The following ANKRD11 variants were observed in gnomAD, a reference collection of about 807,000 sequenced individuals.
ANKRD11 encodes ankyrin repeat domain-containing protein 11.
Under a neutral mutation model 195.7 loss-of-function variants are expected in ANKRD11, and 17 were observed. That is an observed-to-expected ratio of 0.09 (90% CI 0.06 to 0.13). The LOEUF is 0.13. ANKRD11 is among the 10% of genes least tolerant of loss of function. ANKRD11 has a pLI of 1.00. For synonymous variants in ANKRD11, 1,953 were observed against 1,528.1 expected (o/e 1.28, Z -6.49); for missense variants, 3,735 against 3,566.1 (o/e 1.05, Z -1.21).
At position 89,341,830 on chromosome 16, in the gene ANKRD11, C is replaced by T. The variant is rs191613479; in HGVS notation, c.-59-24752G>A. Among the ~76,000 whole-genome samples, 377 of 151,892 alleles carry T rather than the reference C, an allele frequency of 2.5e-3. 1 individual carries two copies. The highest frequency in any genetic ancestry group is 0.01 in the Middle Eastern group (3 of 294). ...CGGATGGACCAGCCCACAGCAGCCA[C>T]GGCCCACGGCGGGAGTGCTGCACCT... On this transcript the variant is annotated intron_variant, in intron 2 of 12. Transcript: ENST00000301030.
At chr16:89,298,698 C>T (rs1176525188) in intron 4 of ANKRD11, among the ~76,000 whole-genome samples, 1 of 152,176 alleles carries the variant, frequency 6.6e-6, no homozygotes, top group Non-Finnish European at 1.5e-5. Flanking sequence ...CCTAAGTGCA[C>T]TTCTGAGGGG....
chr16:89,302,024 C>A (rs556243426), intron 4 of ANKRD11, among the ~76,000 whole-genome samples: 3 of 152,196 alleles, frequency 2.0e-5, no homozygotes, highest in Non-Finnish European at 4.4e-5. Flanking sequence ...TCCAGAGAGG[C>A]CTGACTGCTG....
chr16:89,305,435 C>T (rs2036131516), intron 3 of ANKRD11, 91 bp from the exon 4 acceptor site: 1 of 1,558,486 alleles, frequency 6.4e-7, no homozygotes, highest in South Asian at 1.1e-5. Flanking sequence ...AGAAGCGCAT[C>T]TCTTATTTGG....
rs1340583020 is a variant in ANKRD11 at position 89,274,882 on chromosome 16, C to T, written c.7645G>A (p.Ala2549Thr). 1.9e-6 allele frequency: 3 copies of T among 1,613,524 alleles called. No homozygotes were observed. The highest frequency in any genetic ancestry group is 2.5e-6 in the Non-Finnish European group (3 of 1,179,970). The part of the protein sequence containing the change: ...CRAARTIANQ[A>T]VPFSACTMLL... ...ATCGTGCAGGCGCTGAATGGCACTG[C>T]CTGGTTGGCGATGGTCCTGGCCGCC... Residue 2549 changes from alanine (A) to threonine (T), a missense_variant, in exon 11 of 13, where the codon GCA (alanine) becomes ACA (threonine). Coordinates refer to ENST00000301030, the MANE Select transcript of ANKRD11 (RefSeq NM_013275.6).
At position 89,283,974 on chromosome 16, in the gene ANKRD11, G is replaced by C; in HGVS notation, c.2568C>G (p.Asp856Glu). 3.1e-6 allele frequency: 5 copies of C among 1,614,122 alleles called. No homozygotes were observed. Among genetic ancestry groups the C allele is most frequent in the Non-Finnish European group, 4.2e-6 (5 of 1,180,044 alleles). ...AGTCTGTCACTGGCGAGTCCCAGCT[G>C]TCCTCCCCTTTGAAATCAAAGGATG... ...SDSSFDFKGE[D>E]SWDSPVTDYR... Residue 856 changes from aspartate (D) to glutamate (E), a missense_variant, in exon 9 of 13, where the codon GAC (aspartate) becomes GAG (glutamate). Coordinates refer to ENST00000301030, the MANE Select transcript of ANKRD11 (RefSeq NM_013275.6). This position sits in a 1 kb window ranked among gnomAD's most constrained non-coding sequence, Gnocchi z 4.3.
chr16:89,286,027 G>A lies in ANKRD11; in HGVS notation c.892+12C>T, dbSNP rs770145236. 1.2e-6 allele frequency: 2 copies of A among 1,614,150 alleles called. No individual in the cohort carries two copies. Among genetic ancestry groups the A allele is most frequent in the South Asian group, 1.1e-5 (1 of 91,090 alleles). On this transcript the variant is annotated intron_variant, in intron 8 of 12. Transcript: ENST00000301030. ...CATAAAAGAACAGGCAGCTCAGGTG[G>A]CCGTGACTTACCCGTCGAGCTCTCC...
intron 4 of ANKRD11, among the ~76,000 whole-genome samples, chr16:89,295,676 T>A (rs1489485229): frequency 1.3e-5 from 2 of 152,006 alleles, no homozygotes; most frequent in Non-Finnish European, 2.9e-5. Flanking sequence ...CAGCAGAGAC[T>A]GGAGGCGAGC....
chr16:89,451,411 CTT>C (rs66712285), intron 1 of ANKRD11, among the ~76,000 whole-genome samples: 7 of 130,186 alleles, frequency 5.4e-5, no homozygotes, highest in Non-Finnish European at 3.2e-5. Context: ...TCACAAATTA[CTT>C]TTTTTTTTTT....
At chr16:89,442,989 AT>A (rs1240189507) in intron 1 of ANKRD11, among the ~76,000 whole-genome samples, 1 of 152,036 alleles carries the variant, frequency 6.6e-6, no homozygotes, top group Non-Finnish European at 1.5e-5. Context: ...GAAGTATTTC[AT>A]TTTTTTCTTC....
At chr16:89,379,724 C>A (rs755006581) in intron 2 of ANKRD11, among the ~76,000 whole-genome samples, 23 of 152,190 alleles carry the variant, frequency 1.5e-4, no homozygotes, top group Admixed American at 1.2e-3. Flanking sequence ...CACGGATTTG[C>A]GAAGAACGTG....
intron 3 of ANKRD11, among the ~76,000 whole-genome samples, chr16:89,309,952 G>C (rs559735949): frequency 6.6e-6 from 1 of 152,176 alleles, no homozygotes; most frequent in South Asian, 2.1e-4. Flanking sequence ...CTTATGACAC[G>C]AGGTAGGCTC....
chr16:89,440,175 G>T (rs544129760), intron 1 of ANKRD11, among the ~76,000 whole-genome samples: 1 of 152,306 alleles, frequency 6.6e-6, no homozygotes, highest in Admixed American at 6.5e-5. Flanking sequence ...CAATGGCAGG[G>T]TTCACAGGAT....
At chr16:89,399,290 A>G (rs2041594043) in intron 2 of ANKRD11, among the ~76,000 whole-genome samples, 1 of 152,108 alleles carries the variant, frequency 6.6e-6, no homozygotes, top group African/African-American at 2.4e-5. Context: ...GACCCAAGAC[A>G]CTCATAGGTG....
chr16:89,465,433 G>T (rs1183861183), intron 1 of ANKRD11, among the ~76,000 whole-genome samples: 1 of 152,156 alleles, frequency 6.6e-6, no homozygotes, highest in African/African-American at 2.4e-5. Context: ...CAGAGGCCAC[G>T]ACAGAGAACA....
At chr16:89,476,165 T>C (rs528566319) in intron 1 of ANKRD11, among the ~76,000 whole-genome samples, 1 of 151,726 alleles carries the variant, frequency 6.6e-6, no homozygotes, top group Non-Finnish European at 1.5e-5. Flanking sequence ...CACATCAAAA[T>C]ACCAAAACTA....
intron 11 of ANKRD11, chr16:89,272,948 C>A (rs1321698225): frequency 1.4e-5 from 2 of 145,372 alleles, no homozygotes; most frequent in African/African-American, 5.1e-5. Context: ...AAAATCAGAA[C>A]AATTGAGCTC....
At chr16:89,296,950 C>T (rs2035476713) in intron 4 of ANKRD11, among the ~76,000 whole-genome samples, 1 of 152,190 alleles carries the variant, frequency 6.6e-6, no homozygotes, top group South Asian at 2.1e-4. Flanking sequence ...TCCCTCTTAG[C>T]TGGGGGGACA....
intron 11 of ANKRD11, chr16:89,272,802 C>G (rs770786776): frequency 6.6e-6 from 1 of 151,996 alleles, no homozygotes; most frequent in Non-Finnish European, 1.5e-5. Context: ...ACATACACAA[C>G]GGAGTACTAT....
At chr16:89,289,392 C>T (rs1031643794) in intron 6 of ANKRD11, among the ~76,000 whole-genome samples, 10 of 152,242 alleles carry the variant, frequency 6.6e-5, no homozygotes, top group African/African-American at 1.9e-4. Flanking sequence ...ATCTGTTCCC[C>T]TTACACTGTG....
Sources: gnomAD v4.1 joint callset for allele counts (sites outside exome capture counted in the v4.1 genomes callset) on GRCh38, gnomAD v4.1.1 for gene constraint, Gnocchi (gnomAD v3.1) non-coding constraint, MANE v1.5 for transcripts, NCBI Gene and HGNC (gene_info 2026-07-23, HGNC 2026-07-21) for gene names.